The following ZBTB16 variants were observed in gnomAD, a reference collection of about 807,000 sequenced individuals.
The protein encoded by ZBTB16 is zinc finger and BTB domain containing 16.
A neutral mutation model predicts 56.8 loss-of-function variants in ZBTB16; 8 were observed. The ratio of observed to expected loss-of-function variants is 0.14; its 90% CI spans 0.08 to 0.25. ZBTB16 has a LOEUF of 0.25. Ranked by LOEUF, ZBTB16 falls within the 10% of genes least tolerant of loss-of-function variation. The probability of loss-of-function intolerance (pLI) is 1.00; values close to 1 mark genes in which losing one functional copy is unlikely to be tolerated. For missense variants in ZBTB16, 625 were observed against 903.0 expected (o/e 0.69, Z 3.95); for synonymous variants, 363 against 368.5 (o/e 0.98, Z 0.17).
At chr11:114,154,205 CG>C (rs1421812999) in intron 2 of ZBTB16, among the ~76,000 whole-genome samples, 1 of 152,172 alleles carries the variant, frequency 6.6e-6, no homozygotes, top group Non-Finnish European at 1.5e-5. Flanking sequence ...ATCTGAAGAC[CG>C]GTCACTCTAG....
intron 1 of ZBTB16, chr11:114,061,390 C>G (rs775793138): frequency 6.6e-6 from 1 of 152,276 alleles, no homozygotes; most frequent in Non-Finnish European, 1.5e-5. Flanking sequence ...ACCCCGATGT[C>G]TGCGGGAAAG....
At chr11:114,189,399 A>T (rs73002846) in intron 4 of ZBTB16, 2 of 152,338 alleles carry the variant, frequency 1.3e-5, no homozygotes, top group East Asian at 1.9e-4. Context: ...CACCCACTAC[A>T]ATGTGGCTAC....
intron 4 of ZBTB16, among the ~76,000 whole-genome samples, chr11:114,200,426 A>G (rs1393398454): frequency 6.6e-6 from 1 of 152,332 alleles, no homozygotes; most frequent in East Asian, 1.9e-4. Flanking sequence ...TTTGAGGACT[A>G]TTATTCAGAA....
At chr11:114,148,475 CTT>C (rs1565652031) in intron 2 of ZBTB16, among the ~76,000 whole-genome samples, 24 of 128,042 alleles carry the variant, frequency 1.9e-4, no homozygotes, top group African/African-American at 6.6e-4. Flanking sequence ...CTCTCTCTTT[CTT>C]TCTTTCTTTC....
At chr11:114,153,347 T>C (rs1942323384) in intron 2 of ZBTB16, among the ~76,000 whole-genome samples, 1 of 152,204 alleles carries the variant, frequency 6.6e-6, no homozygotes, top group Admixed American at 6.5e-5. Context: ...CCTTTGCCCT[T>C]GTACTTCATG....
intron 2 of ZBTB16, among the ~76,000 whole-genome samples, chr11:114,149,273 C>T (rs147286086): frequency 3.6e-4 from 55 of 152,138 alleles, no homozygotes; most frequent in African/African-American, 1.2e-3. Flanking sequence ...GCACTCAGCC[C>T]GATGTATATA....
At chr11:114,184,259 G>A (rs1943316273) in intron 3 of ZBTB16, among the ~76,000 whole-genome samples, 1 of 152,170 alleles carries the variant, frequency 6.6e-6, no homozygotes, top group Admixed American at 6.5e-5. Context: ...CTCCTCTAGG[G>A]TCCTCATATT....
At chr11:114,113,729 T>G (rs573281992) in intron 2 of ZBTB16, among the ~76,000 whole-genome samples, 1 of 152,360 alleles carries the variant, frequency 6.6e-6, no homozygotes, top group South Asian at 2.1e-4. Flanking sequence ...TTATTCTACT[T>G]TGACTACTGC....
chr11:114,170,979 G>A (rs1942949940), intron 3 of ZBTB16, among the ~76,000 whole-genome samples: 1 of 152,158 alleles, frequency 6.6e-6, no homozygotes, highest in African/African-American at 2.4e-5. Context: ...GCCTTCATTG[G>A]GGCCTAATGG....
chr11:114,096,634 C>T (rs750714538), intron 2 of ZBTB16, among the ~76,000 whole-genome samples: 4 of 152,088 alleles, frequency 2.6e-5, no homozygotes, highest in South Asian at 2.1e-4. Flanking sequence ...GCATTTCCTG[C>T]AGCCGAGGAA....
intron 3 of ZBTB16, among the ~76,000 whole-genome samples, chr11:114,170,956 CG>C (rs1942948794): frequency 6.6e-6 from 1 of 152,156 alleles, no homozygotes; most frequent in African/African-American, 2.4e-5. Flanking sequence ...CTGAATATCC[CG>C]GATCTCCCAG....
chr11:114,092,596 C>A (rs1005144311), intron 2 of ZBTB16, among the ~76,000 whole-genome samples: 2 of 152,262 alleles, frequency 1.3e-5, no homozygotes, highest in East Asian at 3.9e-4. Flanking sequence ...TTCTGTGGGG[C>A]CTTTGTTCCT....
intron 4 of ZBTB16, among the ~76,000 whole-genome samples, chr11:114,190,750 CACACACACAT>C (rs1443857072): frequency 3.3e-5 from 5 of 150,044 alleles, no homozygotes; most frequent in South Asian, 2.1e-4. Flanking sequence ...CACACACACA[CACACACACAT>C]ATATATACAC....
At chr11:114,193,106 C>T (rs1467065868) in intron 4 of ZBTB16, among the ~76,000 whole-genome samples, 2 of 152,132 alleles carry the variant, frequency 1.3e-5, no homozygotes, top group African/African-American at 2.4e-5. Context: ...GTGGTCTGGG[C>T]CTTTTGTTTT....
intron 3 of ZBTB16, among the ~76,000 whole-genome samples, chr11:114,163,567 C>T (rs11823181): frequency 1.5e-3 from 234 of 152,224 alleles, no homozygotes; most frequent in African/African-American, 5.1e-3. Flanking sequence ...CTGGGTCCCC[C>T]GGTCCTAGTC....
intron 2 of ZBTB16, among the ~76,000 whole-genome samples, chr11:114,097,229 A>G (rs1940450042): frequency 1.3e-5 from 2 of 152,346 alleles, no homozygotes; most frequent in South Asian, 4.1e-4. Flanking sequence ...TGCCATCTAT[A>G]TGAGGCATCT....
At chr11:114,085,726 G>A (rs905073463) in intron 2 of ZBTB16, among the ~76,000 whole-genome samples, 1 of 152,104 alleles carries the variant, frequency 6.6e-6, no homozygotes. Flanking sequence ...CTAATGTGTG[G>A]CAGTGTATGG....
At chr11:114,137,600 A>T (rs772916433) in intron 2 of ZBTB16, among the ~76,000 whole-genome samples, 1 of 152,098 alleles carries the variant, frequency 6.6e-6, no homozygotes, top group South Asian at 2.1e-4. Context: ...TTGTGGAGAG[A>T]GGCCCGGAGG....
intron 2 of ZBTB16, among the ~76,000 whole-genome samples, chr11:114,078,434 A>C (rs1939645718): frequency 1.3e-5 from 2 of 152,186 alleles, no homozygotes; most frequent in Admixed American, 6.5e-5. Flanking sequence ...GTGCTTCTTG[A>C]AGAGCCAAGG....
Sources: gnomAD v4.1 joint callset for allele counts (sites outside exome capture counted in the v4.1 genomes callset) on GRCh38, gnomAD v4.1.1 for gene constraint, MANE v1.5 for transcripts, NCBI Gene and HGNC (gene_info 2026-07-23, HGNC 2026-07-21) for gene names.